Variants in UBQLN1 observed in about 807,000 individuals in gnomAD.
UBQLN1 encodes ubiquilin-1.
UBQLN1 carries 13 observed loss-of-function variants against 65.4 expected under a neutral mutation model. The observed-to-expected ratio is 0.20, with a 90% CI of 0.13 to 0.32. The LOEUF (loss-of-function observed/expected upper bound fraction) is 0.32. UBQLN1 is among the 10% of genes least tolerant of loss of function. The probability of loss-of-function intolerance (pLI) is 1.00; values close to 1 mark genes in which losing one functional copy is unlikely to be tolerated. For missense variants in UBQLN1, 561 were observed against 724.0 expected, an observed-to-expected ratio of 0.77 and a Z score of 2.58; for synonymous variants, 267 against 247.8, an observed-to-expected ratio of 1.08 and a Z score of -0.73.
rs761577712 is a variant in UBQLN1, at chr9:83,677,814, T to A, written c.1018A>T (p.Ser340Cys). 11 of 1,614,044 alleles carry A rather than the reference T, an allele frequency of 6.8e-6. No individual in the cohort carries two copies. The African/African-American group carries it at 1.3e-4, about 20-fold the overall frequency. ...CTACCAGTAGTGCCACCCACAGTGC[T>A]GGCAGTGCCGCTGGAAGCTGATGAA... ...QSSSASSGTA[S>C]TVGGTTGSTA... The change falls in exon 6 of 11, where the codon AGC (serine) becomes TGC (cysteine). Residue 340 changes from serine to cysteine, a missense_variant. This residue lies in a region of UBQLN1 where 89 missense variants were observed against 77.8 expected (regional missense o/e 1.14). Transcript: ENST00000376395.
intron 2 of UBQLN1, 135 bp from the exon 3 acceptor site, chr9:83,683,201 AAGAGAT>A: frequency 2.0e-6 from 1 of 510,170 alleles, no homozygotes. Flanking sequence ...TCACGAGGTC[AAGAGAT>A]AGAGAACATC....
chr9:83,702,174 T>C (rs1052584109), intron 1 of UBQLN1, among the ~76,000 whole-genome samples: 8 of 152,204 alleles, frequency 5.3e-5, no homozygotes, highest in Non-Finnish European at 1.0e-4. Flanking sequence ...GAAGGGCAAC[T>C]GCTAAAGGGT....
At position 83,660,695 on chromosome 9, in the gene UBQLN1, G is replaced by A. The variant is rs1831550258; in HGVS notation, c.*1092C>T. On this transcript the variant is annotated 3_prime_UTR_variant, in exon 11 of 11. Transcript: ENST00000376395. ...CCCACCCCGTCCCCCTTTCTCTGAG[G>A]CTCTGAAAAGCACAATATTTAACTA... The A allele has an allele frequency of 8.0e-6, 1 of 124,504 alleles. No individual in the cohort carries two copies. Among genetic ancestry groups the A allele is most frequent in the Non-Finnish European group, 1.6e-5 (1 of 64,096 alleles). 7.7% of individuals were successfully genotyped at this position (124,504 alleles called of 1,614,324 possible). A position where few individuals can be genotyped will look rare whatever the true frequency, so the allele number is the denominator to read the frequency against.
intron 2 of UBQLN1, 135 bp from the exon 3 acceptor site, chr9:83,683,201 A>G (rs1831975961): frequency 7.8e-6 from 4 of 510,052 alleles, no homozygotes; most frequent in African/African-American, 1.9e-5. Context: ...TCACGAGGTC[A>G]AGAGATAGAG....
intron 1 of UBQLN1, among the ~76,000 whole-genome samples, chr9:83,695,554 G>A (rs1012488413): frequency 6.6e-6 from 1 of 152,072 alleles, no homozygotes; most frequent in African/African-American, 2.4e-5. Flanking sequence ...GCAAAAATAT[G>A]TAAAAGGTAT....
intron 10 of UBQLN1, 127 bp from the exon 11 acceptor site, chr9:83,662,066 C>T (rs1388289551): frequency 5.2e-6 from 4 of 769,832 alleles, no homozygotes; most frequent in Non-Finnish European, 8.0e-6. Flanking sequence ...AAACACTGCC[C>T]ACCTCTTGAA....
chr9:83,707,349 C>T, intron 1 of UBQLN1, 151 bp downstream of exon 1: 2 of 885,212 alleles, frequency 2.3e-6, no homozygotes, highest in African/African-American at 1.8e-5. Flanking sequence ...GGCGCAAACC[C>T]ACGAACTTGG....
intron 4 of UBQLN1, among the ~76,000 whole-genome samples, chr9:83,679,493 A>G (rs1450263190): frequency 6.6e-6 from 1 of 152,212 alleles, no homozygotes; most frequent in Admixed American, 6.5e-5. Context: ...CAAATAACAT[A>G]AAGAAGGAAG....
intron 1 of UBQLN1, among the ~76,000 whole-genome samples, chr9:83,701,813 C>T (rs1027483277): frequency 1.3e-5 from 2 of 152,110 alleles, no homozygotes; most frequent in South Asian, 4.1e-4. Context: ...ACTCCAAGAT[C>T]TACACCCAAG....
At position 83,679,990 on chromosome 9, in the gene UBQLN1, T is replaced by C. The variant is rs774798693; in HGVS notation, c.496A>G (p.Thr166Ala). 5.8e-5 allele frequency: 93 copies of C among 1,613,996 alleles called. No individual in the cohort carries two copies. Among genetic ancestry groups the C allele is most frequent in the East Asian group, 8.9e-5 (4 of 44,880 alleles). The change falls in exon 4 of 11, where the codon ACC becomes GCC. Residue 166 changes from threonine to alanine, a missense_variant. Transcript: ENST00000376395. Reference sequence around the variant, plus strand: ...TGACTCTGTAGTTCAGAGAAGTTGGTAGTATTCAAACCCAAGCTACTCAGA... The same window carrying C: ...TGACTCTGTAGTTCAGAGAAGTTGGCAGTATTCAAACCCAAGCTACTCAGA... ...AGLSSLGLNT[T>A]NFSELQSQMQ...
At chr9:83,690,289 C>T (rs542399557) in intron 1 of UBQLN1, among the ~76,000 whole-genome samples, 24 of 152,262 alleles carry the variant, frequency 1.6e-4, no homozygotes, top group African/African-American at 5.8e-4. Flanking sequence ...CATATCATCA[C>T]GGATACCTCA....
intron 1 of UBQLN1, among the ~76,000 whole-genome samples, chr9:83,697,503 G>A (rs111266506): frequency 2.6e-4 from 31 of 121,490 alleles, no homozygotes; most frequent in Middle Eastern, 7.8e-3. Context: ...AGTGAGCTGA[G>A]ATTGCACCAC....
intron 1 of UBQLN1, among the ~76,000 whole-genome samples, chr9:83,695,202 T>A (rs1469083781): frequency 2.4e-4 from 5 of 20,876 alleles, no homozygotes; most frequent in African/African-American, 7.0e-4. Context: ...CCCTCCCACC[T>A]TTTTTTTTTT....
intron 1 of UBQLN1, among the ~76,000 whole-genome samples, chr9:83,704,751 G>A (rs985154444): frequency 3.4e-5 from 5 of 148,764 alleles, no homozygotes; most frequent in Non-Finnish European, 5.9e-5. Flanking sequence ...CCTTGAACCC[G>A]GGAAGGGGAG....
chr9:83,669,435 T>C, intron 6 of UBQLN1, 108 bp from the exon 7 acceptor site: 1 of 1,021,484 alleles, frequency 9.8e-7, no homozygotes, highest in Non-Finnish European at 1.4e-6. Context: ...GTACAAATGA[T>C]TATACATATT....
chr9:83,705,174 T>C (rs561053860), intron 1 of UBQLN1, among the ~76,000 whole-genome samples: 118 of 151,864 alleles, frequency 7.8e-4, no homozygotes, highest in African/African-American at 2.8e-3. Flanking sequence ...GGAACTCCCA[T>C]GTATCTTCAT....
rs747182082 is a variant in UBQLN1 at position 83,664,731 on chromosome 9, T to C, written c.1448+299A>G. On this transcript the variant is annotated intron_variant, in intron 9 of 10. Transcript: ENST00000376395. ...GCCTGGATAACATGGCAAAGCTCCA[T>C]CTCTAAAAACAGTAACAACAACAAA... Among the ~76,000 whole-genome samples the C allele has an allele frequency of 8.6e-5, 13 of 151,550 alleles. 1 individual carries two copies. Among genetic ancestry groups the C allele is most frequent in the Non-Finnish European group, 1.6e-4 (11 of 67,884 alleles).
At chr9:83,673,580 A>AAAAAAAAAAAAAAAAC (rs1554727531) in intron 6 of UBQLN1, among the ~76,000 whole-genome samples, 1 of 109,562 alleles carries the variant, frequency 9.1e-6, no homozygotes, top group Non-Finnish European at 1.8e-5. Flanking sequence ...AAAAAAAAAA[A>AAAAAAAAAAAAAAAAC]CTGCGCTTAC....
chr9:83,684,264 G>A (rs1184521435), intron 2 of UBQLN1, among the ~76,000 whole-genome samples: 1 of 151,584 alleles, frequency 6.6e-6, no homozygotes, highest in African/African-American at 2.4e-5. Flanking sequence ...GCATGATCTC[G>A]GCTCACTGTA....
Sources: gnomAD v4.1 joint callset for allele counts (sites outside exome capture counted in the v4.1 genomes callset) on GRCh38, gnomAD v4.1.1 for gene constraint, gnomAD v4.1.1 regional missense constraint, MANE v1.5 for transcripts, NCBI Gene and HGNC (gene_info 2026-07-23, HGNC 2026-07-21) for gene names.